The following NR1I2 variants were observed in gnomAD, a reference collection of about 807,000 sequenced individuals.
The protein encoded by NR1I2 is nuclear receptor subfamily 1 group I member 2, also known as orphan nuclear receptor PAR1.
A neutral mutation model predicts 43.3 loss-of-function variants in NR1I2; 42 were observed. The ratio of observed to expected loss-of-function variants is 0.97; its 90% confidence interval spans 0.76 to 1.26. The LOEUF (loss-of-function observed/expected upper bound fraction) is 1.26. NR1I2 is among the 50% of genes most tolerant of loss of function. The pLI is 0.00. For missense variants in NR1I2, 559 were observed against 566.7 expected, an observed-to-expected ratio of 0.99 and a Z score of 0.14; for synonymous variants, 229 against 215.0, an observed-to-expected ratio of 1.06 and a Z score of -0.57.
At chr3:119,793,472 T>G (rs148419216) in intron 1 of NR1I2, among the ~76,000 whole-genome samples, 1 of 152,324 alleles carries the variant, frequency 6.6e-6, no homozygotes, top group African/African-American at 2.4e-5. Context: ...GGAGGCTGCC[T>G]TCTGGAGGCT....
At chr3:119,813,084 T>G in intron 5 of NR1I2, 124 bp downstream of exon 5, 1 of 1,106,744 alleles carries the variant, frequency 9.0e-7, no homozygotes, top group Non-Finnish European at 1.3e-6. Flanking sequence ...CCTTTTCCTG[T>G]GCCCTTTCCC....
chr3:119,782,526 A>G (rs1577264551), intron 1 of NR1I2, among the ~76,000 whole-genome samples: 2 of 146,908 alleles, frequency 1.4e-5, no homozygotes, highest in Admixed American at 1.4e-4. Flanking sequence ...CTGGTCCTGC[A>G]CTAGCCTCCT....
intron 1 of NR1I2, among the ~76,000 whole-genome samples, chr3:119,799,910 G>A (rs561700781): frequency 6.6e-6 from 1 of 152,110 alleles, no homozygotes; most frequent in Admixed American, 6.6e-5. Flanking sequence ...AACCTGGGAG[G>A]CAGAGGTTGT....
In NR1I2 at chr3:119,818,127, CGT is replaced by C; in HGVS notation, c.*923_*924del. Reference sequence around the variant, plus strand: ...AGGGCACAAACTGCAGCTGTGAGTGCGTGTGTGTGATTTGGTGTAGGTAGGTC... The same window carrying C: ...AGGGCACAAACTGCAGCTGTGAGTGCGTGTGTGATTTGGTGTAGGTAGGTC... On this transcript the variant is annotated 3_prime_UTR_variant, in exon 9 of 9. Coordinates refer to ENST00000393716, the MANE Select transcript of NR1I2 (RefSeq NM_003889.4). The C allele has an allele frequency of 1.0e-6, 1 of 985,544 alleles. No individual in the cohort carries two copies. Among genetic ancestry groups the C allele is most frequent in the Non-Finnish European group, 1.2e-6 (1 of 829,980 alleles). The allele number at this position is 985,544 out of a possible 1,614,324, so 61.0% of individuals were successfully genotyped here. A position where few individuals can be genotyped will look rare whatever the true frequency, so the allele number is the denominator to read the frequency against.
chr3:119,803,404 G>C (rs2055107620), intron 1 of NR1I2, among the ~76,000 whole-genome samples: 1 of 151,630 alleles, frequency 6.6e-6, no homozygotes, highest in Non-Finnish European at 1.5e-5. Flanking sequence ...CAAAGAGCTA[G>C]CTGGCTAGCC....
intron 1 of NR1I2, among the ~76,000 whole-genome samples, chr3:119,804,578 G>A (rs1230599051): frequency 6.6e-6 from 1 of 151,232 alleles, no homozygotes; most frequent in South Asian, 2.1e-4. Flanking sequence ...TCAAGTAGCT[G>A]GGATTATAGG....
chr3:119,791,280 T>G (rs1022292123), intron 1 of NR1I2, among the ~76,000 whole-genome samples: 2 of 152,168 alleles, frequency 1.3e-5, no homozygotes, highest in Non-Finnish European at 2.9e-5. Flanking sequence ...CACCAGGAGC[T>G]TCTCTGAGAG....
At position 119,817,320 on chromosome 3, in the gene NR1I2, T is replaced by A; in HGVS notation, c.*108T>A. 6.3e-7 allele frequency: 1 copy of A among 1,589,636 alleles called. No individual in the cohort carries two copies. The highest frequency in any genetic ancestry group is 1.1e-5 in the South Asian group (1 of 89,370). On this transcript the variant is annotated 3_prime_UTR_variant, in exon 9 of 9. Transcript: ENST00000393716. ...ACACTGCCAAGAGCCGACAATGCCC[T>A]GCTGGCCTGTCTCCCTAGGGAATTC... is the stretch of plus-strand genomic sequence containing the variant.
intron 2 of NR1I2, among the ~76,000 whole-genome samples, chr3:119,809,225 G>C (rs1187062334): frequency 2.0e-5 from 3 of 152,186 alleles, no homozygotes; most frequent in Non-Finnish European, 2.9e-5. Context: ...GAAAGTAAAG[G>C]TAGGACTGCA....
Position 119,817,639 on chromosome 3 carries a change from A to C in NR1I2, c.*427A>C. The C allele has an allele frequency of 8.8e-7, 1 of 1,135,960 alleles. No individual in the cohort carries two copies. The highest frequency in any genetic ancestry group is 1.1e-6 in the Non-Finnish European group (1 of 915,334). The allele number at this position is 1,135,960 out of a possible 1,614,324, so 70.4% of individuals were successfully genotyped here. Reference sequence around the variant, plus strand: ...GTTTGTTCGCTTCCTGAGTCTTTTCATTGCTACCTCTAATAGTCCTGTCTC... The same window carrying C: ...GTTTGTTCGCTTCCTGAGTCTTTTCCTTGCTACCTCTAATAGTCCTGTCTC... On this transcript the variant is annotated 3_prime_UTR_variant, in exon 9 of 9. Transcript: ENST00000393716.
rs766547239 is a variant in NR1I2, at chr3:119,810,088, G to A, written c.225G>A (p.Leu75=). The A allele has an allele frequency of 1.2e-6, 2 of 1,613,802 alleles. No individual in the cohort carries two copies. The highest frequency in any genetic ancestry group is 2.2e-5 in the South Asian group (2 of 91,094). Residue 75 remains leucine (L), a synonymous_variant, in exon 3 of 9, where the codon CTG becomes CTA. Transcript: ENST00000393716. Reference sequence around the variant, plus strand: ...GGGCCATGAAACGCAACGCCCGGCTGAGGTGCCCCTTCCGGAAGGGCGCCT... The same window carrying A: ...GGGCCATGAAACGCAACGCCCGGCTAAGGTGCCCCTTCCGGAAGGGCGCCT...
Position 119,796,552 on chromosome 3 carries a change from T to C in NR1I2, c.-22-10677T>C, listed in dbSNP as rs117133185. ...CTCCCAACCCTATTCCTCTCCTCTC[T>C]ACATACTCCTGGGAGCCTTGCTCCT... On this transcript the variant is annotated intron_variant, in intron 1 of 8. Transcript: ENST00000393716. Among the ~76,000 whole-genome samples the C allele has an allele frequency of 2.6e-5, 4 of 152,310 alleles. No individual in the cohort carries two copies. The East Asian group carries it at 7.7e-4, about 29-fold the overall frequency.
intron 3 of NR1I2, chr3:119,811,199 T>G: frequency 4.3e-6 from 1 of 232,806 alleles, no homozygotes; most frequent in East Asian, 8.9e-5. Flanking sequence ...GTTAAGGAGG[T>G]TGCTTGGGGT....
At chr3:119,796,309 G>T (rs972624730) in intron 1 of NR1I2, among the ~76,000 whole-genome samples, 5 of 152,194 alleles carry the variant, frequency 3.3e-5, no homozygotes, top group Non-Finnish European at 7.3e-5. Context: ...GACATGACCT[G>T]AAATTTCTCC....
intron 1 of NR1I2, among the ~76,000 whole-genome samples, chr3:119,804,093 C>G (rs2055117647): frequency 6.6e-6 from 1 of 151,072 alleles, no homozygotes; most frequent in Non-Finnish European, 1.5e-5. Flanking sequence ...ATTTAATGGC[C>G]AGGCACGGTG....
rs1206018744 is a variant in NR1I2 at position 119,811,622 on chromosome 3, G to T, written c.415G>T (p.Gly139Ter). 14 of 1,613,868 alleles carry T rather than the reference G, an allele frequency of 8.7e-6. No homozygotes were observed. The highest frequency in any genetic ancestry group is 1.1e-5 in the Non-Finnish European group (13 of 1,179,938). ...TGAACGGACAGGGACTCAGCCACTG[G>T]GAGTGCAGGGGCTGACAGAGGAGCA... Residue 139 changes from glycine to a stop codon, truncating the protein, a stop_gained, in exon 4 of 9, where the codon GGA becomes TGA. Coordinates refer to ENST00000393716, the MANE Select transcript of NR1I2 (RefSeq NM_003889.4). LOFTEE classifies it high-confidence loss of function.
Position 119,817,310 on chromosome 3 carries a change from G to T in NR1I2, c.*98G>T, listed in dbSNP as rs575078051. 3 of 1,596,858 alleles carry T rather than the reference G, an allele frequency of 1.9e-6. No homozygotes were observed. The highest frequency in any genetic ancestry group is 2.5e-6 in the Non-Finnish European group (3 of 1,176,528). On this transcript the variant is annotated 3_prime_UTR_variant, in exon 9 of 9. Transcript: ENST00000393716. ...AGACAGATGGACACTGCCAAGAGCCGACAATGCCCTGCTGGCCTGTCTCCC... is the reference window on the plus strand; with the variant it reads ...AGACAGATGGACACTGCCAAGAGCCTACAATGCCCTGCTGGCCTGTCTCCC...
At chr3:119,813,811 G>A (rs564672306) in intron 5 of NR1I2, among the ~76,000 whole-genome samples, 1 of 152,224 alleles carries the variant, frequency 6.6e-6, no homozygotes, top group African/African-American at 2.4e-5. Flanking sequence ...TATAAATGTG[G>A]ACATTGGGAG....
At chr3:119,789,500 C>T (rs957485648) in intron 1 of NR1I2, among the ~76,000 whole-genome samples, 5 of 152,202 alleles carry the variant, frequency 3.3e-5, no homozygotes, top group Non-Finnish European at 7.3e-5. Flanking sequence ...GACTTATTCA[C>T]TGCCATGAGA....
Sources: gnomAD v4.1 joint callset for allele counts (sites outside exome capture counted in the v4.1 genomes callset) on GRCh38, gnomAD v4.1.1 for gene constraint, MANE v1.5 for transcripts, NCBI Gene and HGNC (gene_info 2026-07-23, HGNC 2026-07-21) for gene names.